CLUAP1: variants seen among roughly 807,000 people sequenced by gnomAD.
CLUAP1 encodes the protein intraflagellar transport 38, also known as clusterin-associated protein 1.
In CLUAP1, 50 loss-of-function variants were observed where a neutral mutation model predicts 55.0. The ratio of observed to expected loss-of-function variants is 0.91; its 90% CI spans 0.72 to 1.15. The LOEUF (loss-of-function observed/expected upper bound fraction) is 1.15, where lower values mean the gene tolerates loss of function less well. CLUAP1 is among the 50% of genes most tolerant of loss of function. The pLI is 0.00. For missense variants in CLUAP1, 530 were observed against 507.6 expected, an observed-to-expected ratio of 1.04 and a Z score of -0.42; for synonymous variants, 195 against 175.4, an observed-to-expected ratio of 1.11 and a Z score of -0.88.
intron 2 of CLUAP1, 118 bp from the exon 3 acceptor site, chr16:3,506,213 C>T: frequency 2.5e-6 from 2 of 791,144 alleles, no homozygotes; most frequent in East Asian, 2.5e-5. Flanking sequence ...CACTCTCCCA[C>T]TTGGGGACTT....
intron 8 of CLUAP1, among the ~76,000 whole-genome samples, chr16:3,525,109 A>T (rs1046461748): frequency 3.9e-5 from 6 of 152,202 alleles, no homozygotes; most frequent in Admixed American, 3.3e-4. Context: ...CGAGGAATTC[A>T]TTGCTAGCAT....
chr16:3,505,520 C>G (rs1041217131), intron 2 of CLUAP1, among the ~76,000 whole-genome samples: 1 of 142,392 alleles, frequency 7.0e-6, no homozygotes, highest in Non-Finnish European at 1.5e-5. Flanking sequence ...GCAGTTCAGC[C>G]TGGGTGAAAG....
chr16:3,503,597 TTTTTTG>T (rs1000401995), intron 1 of CLUAP1, among the ~76,000 whole-genome samples: 1 of 151,774 alleles, frequency 6.6e-6, no homozygotes, highest in Non-Finnish European at 1.5e-5. Context: ...GCGCCTGGCC[TTTTTTG>T]TTTTTGTTTT....
Position 3,508,434 on chromosome 16 carries a change from A to G in CLUAP1, c.365A>G (p.Asp122Gly), listed in dbSNP as rs1303632685. The change falls in exon 4 of 12, where the codon GAT (aspartate) becomes GGT (glycine). Residue 122 changes from aspartate to glycine, a missense_variant. By Grantham distance (94) the Asp-to-Gly change is moderately conservative. Transcript: ENST00000576634. ...GMEGSEIVEE[D>G]VNKFKFDLGS... Reference sequence around the variant, plus strand: ...GAGGGCTCTGAAATAGTAGAGGAAGATGTCAACAAGTTCAAGTTTGATCTT... The same window carrying G: ...GAGGGCTCTGAAATAGTAGAGGAAGGTGTCAACAAGTTCAAGTTTGATCTT... 1.3e-6 allele frequency: 2 copies of G among 1,585,678 alleles called. No individual in the cohort carries two copies. The highest frequency in any genetic ancestry group is 1.4e-5 in the African/African-American group (1 of 72,974).
intron 1 of CLUAP1, among the ~76,000 whole-genome samples, chr16:3,502,626 C>G (rs1567420319): frequency 1.3e-5 from 2 of 151,982 alleles, no homozygotes; most frequent in African/African-American, 4.8e-5. Flanking sequence ...GACGCATTAC[C>G]TTTTATCCAT....
At chr16:3,514,093 T>C (rs139582005) in intron 5 of CLUAP1, among the ~76,000 whole-genome samples, 1 of 152,370 alleles carries the variant, frequency 6.6e-6, no homozygotes, top group East Asian at 1.9e-4. Flanking sequence ...CCTCCAGGCT[T>C]TCCCCTGTTC....
intron 6 of CLUAP1, among the ~76,000 whole-genome samples, chr16:3,517,559 G>T (rs186064257): frequency 6.0e-4 from 91 of 152,014 alleles, no homozygotes; most frequent in African/African-American, 2.2e-3. Context: ...TGATCCGCCC[G>T]CCTTGACCTC....
chr16:3,529,715 A>AT (rs2038058150), intron 9 of CLUAP1, among the ~76,000 whole-genome samples: 1 of 23,454 alleles, frequency 4.3e-5, no homozygotes, highest in African/African-American at 2.6e-4. Flanking sequence ...ATATTATATA[A>AT]TATTATATAT....
intron 8 of CLUAP1, 73 bp downstream of exon 8, chr16:3,523,372 G>T: frequency 6.8e-7 from 1 of 1,474,338 alleles, no homozygotes; most frequent in Admixed American, 2.4e-5. Flanking sequence ...AGGTCATTTT[G>T]TTAATATCAT....
intron 7 of CLUAP1, among the ~76,000 whole-genome samples, chr16:3,521,690 C>T (rs963263384): frequency 4.6e-5 from 7 of 151,946 alleles, no homozygotes; most frequent in Non-Finnish European, 1.0e-4. Flanking sequence ...GCCTTGGCCT[C>T]CCAAAGTGCT....
intron 9 of CLUAP1, among the ~76,000 whole-genome samples, chr16:3,529,734 T>TATAA (rs1567440209): frequency 4.1e-5 from 1 of 24,658 alleles, no homozygotes; most frequent in African/African-American, 1.9e-4. Context: ...ATTATATATA[T>TATAA]TATTATATAT....
At chr16:3,511,533 G>A (rs1259361714) in intron 4 of CLUAP1, among the ~76,000 whole-genome samples, 1 of 152,194 alleles carries the variant, frequency 6.6e-6, no homozygotes, top group Non-Finnish European at 1.5e-5. Context: ...GGAGGGCAGG[G>A]GAGGACGAAA....
At chr16:3,515,144 A>T (rs1025913714) in intron 5 of CLUAP1, among the ~76,000 whole-genome samples, 3 of 152,018 alleles carry the variant, frequency 2.0e-5, no homozygotes, top group Admixed American at 6.5e-5. Context: ...AGGAACGTGG[A>T]TCACTTGAGC....
intron 6 of CLUAP1, 122 bp from the exon 7 acceptor site, chr16:3,519,781 T>G: frequency 3.2e-6 from 3 of 924,468 alleles, no homozygotes; most frequent in East Asian, 5.4e-5. Context: ...AAGTGTCTAT[T>G]TGTTTGCTTT....
intron 9 of CLUAP1, among the ~76,000 whole-genome samples, chr16:3,529,533 GTTATATATTA>G (rs1384321503): frequency 8.2e-5 from 3 of 36,658 alleles, no homozygotes; most frequent in African/African-American, 1.5e-4. Context: ...ATTATTATAT[GTTATATATTA>G]TTATATATTA....
At position 3,518,545 on chromosome 16, in the gene CLUAP1, G is replaced by A. The variant is rs539458319; in HGVS notation, c.580-1358G>A. ...TCTTTCTTGTTTGAGGAACAGATAT[G>A]TTTAAGGTGGGATAAATTTACTAGG... On this transcript the variant is annotated intron_variant, in intron 6 of 11. Transcript: ENST00000576634. Among the ~76,000 whole-genome samples the A allele has an allele frequency of 3.3e-5, 5 of 152,326 alleles. No homozygotes were observed. The East Asian group carries it at 9.6e-4, about 29-fold the overall frequency.
chr16:3,515,665 G>A, intron 6 of CLUAP1, 74 bp downstream of exon 6: 1 of 1,030,058 alleles, frequency 9.7e-7, no homozygotes, highest in South Asian at 1.6e-5. Context: ...GCCCATACAA[G>A]ACAGAACAAG....
chr16:3,508,929 GGGT>G (rs2037562695), intron 4 of CLUAP1, among the ~76,000 whole-genome samples: 2 of 145,690 alleles, frequency 1.4e-5, no homozygotes, highest in African/African-American at 5.4e-5. Flanking sequence ...TGAGTTGTGC[GGGT>G]GGCGGGTGGC....
chr16:3,532,665 C>T, intron 10 of CLUAP1, 121 bp from the exon 11 acceptor site: 3 of 1,004,818 alleles, frequency 3.0e-6, no homozygotes, highest in Non-Finnish European at 4.5e-6. Context: ...TCTCAGCCTC[C>T]CAAATTCCTG....
Sources: allele counts gnomAD v4.1 joint callset (sites outside exome capture counted in the v4.1 genomes callset), GRCh38; gene constraint gnomAD v4.1.1; transcripts MANE v1.5; gene names NCBI Gene and HGNC (gene_info 2026-07-23, HGNC 2026-07-21).